Variants in CDKAL1 observed in about 807,000 individuals in gnomAD.
CDKAL1 encodes the protein threonylcarbamoyladenosine tRNA methylthiotransferase.
In CDKAL1, 32 loss-of-function variants were observed where a neutral mutation model predicts 68.2. The observed-to-expected ratio is 0.47, with a 90% CI of 0.35 to 0.63. CDKAL1 has a LOEUF of 0.63. CDKAL1 is among the 30% of genes least tolerant of loss of function. CDKAL1 has a pLI of 0.00. For synonymous variants in CDKAL1, 234 were observed against 244.3 expected, an observed-to-expected ratio of 0.96 and a Z score of 0.39; for missense variants, 606 against 696.7, an observed-to-expected ratio of 0.87 and a Z score of 1.47.
chr6:20,843,946 C>T (rs955159766), intron 8 of CDKAL1, among the ~76,000 whole-genome samples: 1 of 152,082 alleles, frequency 6.6e-6, no homozygotes, highest in African/African-American at 2.4e-5. Context: ...CATGACAAGG[C>T]CTGCTGCATT....
intron 9 of CDKAL1, among the ~76,000 whole-genome samples, chr6:20,932,436 A>G (rs1245550889): frequency 6.6e-6 from 1 of 152,170 alleles, no homozygotes; most frequent in Non-Finnish European, 1.5e-5. Context: ...GAAGCACAGT[A>G]GCACTTCAGA....
intron 10 of CDKAL1, among the ~76,000 whole-genome samples, chr6:20,979,813 C>A (rs1766022456): frequency 6.7e-6 from 1 of 149,788 alleles, no homozygotes; most frequent in Non-Finnish European, 1.5e-5. Context: ...ACTTTGTCAC[C>A]CATGCTGGGG....
At chr6:20,868,204 G>A (rs913687779) in intron 9 of CDKAL1, among the ~76,000 whole-genome samples, 5 of 152,116 alleles carry the variant, frequency 3.3e-5, no homozygotes, top group Admixed American at 1.3e-4. Flanking sequence ...TATTTCTGCC[G>A]TGTAGAAAAG....
chr6:21,143,019 A>G (rs1227959291), intron 13 of CDKAL1, among the ~76,000 whole-genome samples: 1 of 152,216 alleles, frequency 6.6e-6, no homozygotes, highest in Non-Finnish European at 1.5e-5. Context: ...ATAAATATCT[A>G]ATTTGCCTTG....
At chr6:20,764,154 A>T (rs1454321767) in intron 7 of CDKAL1, among the ~76,000 whole-genome samples, 1 of 152,216 alleles carries the variant, frequency 6.6e-6, no homozygotes, top group Admixed American at 6.5e-5. Context: ...TTCTAAACAA[A>T]ATATCATTAA....
intron 6 of CDKAL1, among the ~76,000 whole-genome samples, chr6:20,754,577 A>G (rs1403199792): frequency 6.6e-6 from 1 of 152,028 alleles, no homozygotes; most frequent in Non-Finnish European, 1.5e-5. Context: ...TCATATATTT[A>G]TTGGCCATAA....
chr6:20,822,703 C>T (rs113450163), intron 8 of CDKAL1, among the ~76,000 whole-genome samples: 4 of 152,198 alleles, frequency 2.6e-5, no homozygotes, highest in African/African-American at 9.6e-5. Flanking sequence ...TGAGTTCTCA[C>T]GAGATCTGAT....
intron 9 of CDKAL1, among the ~76,000 whole-genome samples, chr6:20,877,609 G>A (rs764607677): frequency 2.5e-4 from 38 of 152,310 alleles, no homozygotes; most frequent in Admixed American, 6.5e-4. Context: ...CTGTAGTTCA[G>A]TATGAACTCA....
Position 20,641,316 on chromosome 6 carries a change from C to T in CDKAL1, c.287-7977C>T, listed in dbSNP as rs966927089. Among the ~76,000 whole-genome samples, 33 of 152,064 alleles carry T rather than the reference C, an allele frequency of 2.2e-4. 1 individual carries two copies. The highest frequency in any genetic ancestry group is 8.0e-4 in the African/African-American group (33 of 41,390). ...TTTTTTAAGGGAAAAAAGGGCAATG[C>T]ATGCTTTTAACAATTCAAACAGTAC... On this transcript the variant is annotated intron_variant, in intron 4 of 15. Transcript: ENST00000274695.
At chr6:21,096,025 G>A (rs1385636538) in intron 12 of CDKAL1, among the ~76,000 whole-genome samples, 1 of 152,110 alleles carries the variant, frequency 6.6e-6, no homozygotes, top group African/African-American at 2.4e-5. Flanking sequence ...TTTTACAGTA[G>A]GTGCTAAATT....
At chr6:20,699,834 T>G (rs1051152092) in intron 5 of CDKAL1, among the ~76,000 whole-genome samples, 4 of 152,238 alleles carry the variant, frequency 2.6e-5, no homozygotes, top group Admixed American at 2.0e-4. Flanking sequence ...TTTGATTTAC[T>G]TAGTAGTTTA....
At chr6:20,577,130 C>A (rs530457422) in intron 4 of CDKAL1, among the ~76,000 whole-genome samples, 2 of 152,264 alleles carry the variant, frequency 1.3e-5, no homozygotes, top group South Asian at 4.2e-4. Flanking sequence ...TTGGTGACCG[C>A]AAGCGATCGG....
rs566049064 is a variant in CDKAL1, at chr6:20,869,999, C to T, written c.742+23821C>T. ...ATATAACATTTATATGGTCTGAGTG[C>T]TTGAACACCTTTCTATAAATAATAG... On this transcript the variant is annotated intron_variant, in intron 9 of 15. Coordinates refer to ENST00000274695, the MANE Select transcript of CDKAL1 (RefSeq NM_017774.3). Among the ~76,000 whole-genome samples, 42 of 152,288 alleles carry T rather than the reference C, an allele frequency of 2.8e-4. No individual in the cohort carries two copies. The South Asian group carries it at 2.9e-3, about 11-fold the overall frequency.
At chr6:20,600,534 C>T (rs976847307) in intron 4 of CDKAL1, among the ~76,000 whole-genome samples, 2 of 151,852 alleles carry the variant, frequency 1.3e-5, no homozygotes, top group South Asian at 4.1e-4. Flanking sequence ...TGTAAGACCT[C>T]AGGATAAATA....
At chr6:21,204,934 C>G (rs186488019) in intron 15 of CDKAL1, among the ~76,000 whole-genome samples, 4 of 152,178 alleles carry the variant, frequency 2.6e-5, no homozygotes, top group Non-Finnish European at 5.9e-5. Flanking sequence ...ACTCATTAAA[C>G]AATAACTCCT....
At chr6:21,125,699 C>G (rs1774971510) in intron 13 of CDKAL1, among the ~76,000 whole-genome samples, 1 of 152,046 alleles carries the variant, frequency 6.6e-6, no homozygotes, top group Admixed American at 6.6e-5. Flanking sequence ...AACAAACAAA[C>G]AAAAAACCTC....
At chr6:20,587,312 G>A (rs961133860) in intron 4 of CDKAL1, among the ~76,000 whole-genome samples, 1 of 152,152 alleles carries the variant, frequency 6.6e-6, no homozygotes, top group Non-Finnish European at 1.5e-5. Context: ...TAGGGGATGA[G>A]AGTTCGAAGC....
At chr6:21,090,629 A>G (rs112393444) in intron 12 of CDKAL1, among the ~76,000 whole-genome samples, 185 of 152,254 alleles carry the variant, frequency 1.2e-3, no homozygotes, top group African/African-American at 4.1e-3. Context: ...CATAAAACAG[A>G]ATTTCTAGCC....
chr6:21,017,683 T>G (rs1195297563), intron 11 of CDKAL1, among the ~76,000 whole-genome samples: 1 of 152,140 alleles, frequency 6.6e-6, no homozygotes, highest in Non-Finnish European at 1.5e-5. Context: ...TACGGCTGAC[T>G]CCGTACACTA....
Sources: gnomAD v4.1 joint callset for allele counts (sites outside exome capture counted in the v4.1 genomes callset) on GRCh38, gnomAD v4.1.1 for gene constraint, MANE v1.5 for transcripts, NCBI Gene and HGNC (gene_info 2026-07-23, HGNC 2026-07-21) for gene names.